The following NETO1 variants were observed in gnomAD, a reference collection of about 807,000 sequenced individuals.
NETO1 encodes the protein neuropilin and tolloid-like protein 1.
In NETO1, 26 loss-of-function variants were observed where a neutral mutation model predicts 61.3. That is an observed-to-expected ratio of 0.42 (90% confidence interval 0.31 to 0.59). The LOEUF is 0.59. NETO1 is among the 20% of genes least tolerant of loss of function. The pLI, the probability that NETO1 is intolerant of heterozygous loss-of-function variation, is 0.12. For synonymous variants in NETO1, 225 were observed against 225.8 expected (o/e 1.00, Z 0.03); for missense variants, 531 against 662.8 (o/e 0.80, Z 2.18).
At position 72,750,538 on chromosome 18, in the gene NETO1, G is replaced by C; in HGVS notation, c.1065C>G (p.Ile355Met). 6.2e-7 allele frequency: 1 copy of C among 1,613,770 alleles called. No individual in the cohort carries two copies. The highest frequency in any genetic ancestry group is 8.5e-7 in the Non-Finnish European group (1 of 1,179,942). Residue 355 changes from isoleucine (I) to methionine (M), a missense_variant, in exon 9 of 11, where the codon ATC (isoleucine) becomes ATG (methionine). Transcript: ENST00000327305. ...VIGVTSCIVI[I>M]LIIISVIVQI... ...GTACGATGACAGAGATGATAATGAG[G>C]ATGATCACGATGCAGGAAGTCACGC... is the stretch of plus-strand genomic sequence containing the variant.
intron 4 of NETO1, among the ~76,000 whole-genome samples, chr18:72,822,829 T>C (rs1257045770): frequency 1.3e-5 from 2 of 152,088 alleles, no homozygotes; most frequent in Admixed American, 1.3e-4. Context: ...GCAATAGCAA[T>C]AAATTCTCTA....
At chr18:72,775,685 G>A (rs2071523535) in intron 7 of NETO1, among the ~76,000 whole-genome samples, 1 of 152,096 alleles carries the variant, frequency 6.6e-6, no homozygotes, top group Non-Finnish European at 1.5e-5. Context: ...ATCCTCTTTA[G>A]AGCATTCGAG....
Position 72,815,688 on chromosome 18 carries a change from T to C in NETO1, c.470-21284A>G, listed in dbSNP as rs917684369. Among the ~76,000 whole-genome samples, 3 of 152,240 alleles carry C rather than the reference T, an allele frequency of 2.0e-5. No individual in the cohort carries two copies. The East Asian group carries it at 5.8e-4, about 29-fold the overall frequency. ...GTGTATGTGGAACAATGAAAACTCC[T>C]GTCCGCTGCTGACACTAGTGGACAT... On this transcript the variant is annotated intron_variant, in intron 4 of 10. Coordinates refer to ENST00000327305, the MANE Select transcript of NETO1 (RefSeq NM_138966.5).
downstream of NETO1, among the ~76,000 whole-genome samples, chr18:72,743,040 A>G (rs1334343093): frequency 2.6e-5 from 4 of 152,280 alleles, no homozygotes; most frequent in Non-Finnish European, 2.9e-5. Flanking sequence ...CTCCCATTCA[A>G]TTTAGCAAAC....
At chr18:72,769,933 G>T (rs1311640071) in intron 7 of NETO1, among the ~76,000 whole-genome samples, 6 of 151,992 alleles carry the variant, frequency 3.9e-5, no homozygotes, top group African/African-American at 1.4e-4. Flanking sequence ...TAGTATTTCT[G>T]ATTCAGAGGT....
At chr18:72,863,838 T>G (rs2145687090) in intron 3 of NETO1, among the ~76,000 whole-genome samples, 1 of 152,178 alleles carries the variant, frequency 6.6e-6, no homozygotes, top group Middle Eastern at 3.4e-3. Context: ...TGCTTCCAGG[T>G]TTTAGGCTAT....
chr18:72,772,736 C>T (rs566065817), intron 7 of NETO1, among the ~76,000 whole-genome samples: 37 of 121,692 alleles, frequency 3.0e-4, no homozygotes, highest in African/African-American at 1.2e-3. Context: ...ATCATGTACA[C>T]ACACACATCT....
At position 72,747,996 on chromosome 18, in the gene NETO1, T is replaced by C. The variant is rs1168081549; in HGVS notation, c.*183A>G. On this transcript the variant is annotated 3_prime_UTR_variant, in exon 11 of 11. Transcript: ENST00000327305. ...GGTGGCCAGCAACCAAATTACGAAATGAACATATCAGTGTGCAGCGGGGAT... is the reference window on the plus strand; with the variant it reads ...GGTGGCCAGCAACCAAATTACGAAACGAACATATCAGTGTGCAGCGGGGAT... 9.1e-6 allele frequency: 3 copies of C among 328,278 alleles called. No homozygotes were observed. Among genetic ancestry groups the C allele is most frequent in the Non-Finnish European group, 1.3e-5 (3 of 229,216 alleles). The allele number at this position is 328,278 out of a possible 1,614,324, so 20.3% of individuals were successfully genotyped here. A position where few individuals can be genotyped will look rare whatever the true frequency, so the allele number is the denominator to read the frequency against.
chr18:72,786,546 C>T (rs537488029), intron 6 of NETO1, among the ~76,000 whole-genome samples: 59 of 152,202 alleles, frequency 3.9e-4, no homozygotes, highest in African/African-American at 1.2e-3. Flanking sequence ...TTTAAATTAC[C>T]TGCCATTGCT....
chr18:72,836,224 C>G (rs1286923009), intron 4 of NETO1, among the ~76,000 whole-genome samples: 1 of 152,108 alleles, frequency 6.6e-6, no homozygotes, highest in Non-Finnish European at 1.5e-5. Context: ...GCCCAGGGTG[C>G]TCCCCCTTTC....
intron 4 of NETO1, among the ~76,000 whole-genome samples, chr18:72,826,632 T>C (rs2073382619): frequency 6.6e-6 from 1 of 152,192 alleles, no homozygotes; most frequent in Non-Finnish European, 1.5e-5. Context: ...CTATGGACTG[T>C]ATTTCTGTTT....
intron 1 of NETO1, chr18:72,867,061 T>G: frequency 2.1e-6 from 1 of 467,074 alleles, no homozygotes; most frequent in Non-Finnish European, 3.7e-6. Context: ...GGTTTTGGGA[T>G]CCGGCGACGG....
intron 1 of NETO1, among the ~76,000 whole-genome samples, chr18:72,866,542 A>C (rs1264975834): frequency 6.6e-6 from 1 of 152,140 alleles, no homozygotes; most frequent in East Asian, 1.9e-4. Flanking sequence ...TGTTTTGATG[A>C]AATCACATTA....
At chr18:72,832,394 A>T (rs960434570) in intron 4 of NETO1, among the ~76,000 whole-genome samples, 1 of 152,192 alleles carries the variant, frequency 6.6e-6, no homozygotes, top group East Asian at 1.9e-4. Flanking sequence ...ATAAAGATCA[A>T]GTTTTTTTCT....
At position 72,851,415 on chromosome 18, in the gene NETO1, A is replaced by AAAAAAAAAAG. The variant is rs71707587; in HGVS notation, c.469+7410_469+7411insCTTTTTTTTT. Among the ~76,000 whole-genome samples the AAAAAAAAAAG allele has an allele frequency of 1.5e-5, 2 of 133,722 alleles. 1 individual carries two copies. The highest frequency in any genetic ancestry group is 7.5e-5 in the African/African-American group (2 of 26,566). The allele number at this position is 133,722 out of a possible 152,430, so 87.7% of individuals were successfully genotyped here. ...AACAAGAGCGAAACTCCCTCAAAAC[A>AAAAAAAAAAG]AAAAAAGAAAAAAGAAAGAAAGAAA... is the stretch of plus-strand genomic sequence containing the variant. On this transcript the variant is annotated intron_variant, in intron 4 of 10. Coordinates refer to ENST00000327305, the MANE Select transcript of NETO1 (RefSeq NM_138966.5).
At chr18:72,842,191 A>G (rs2073955640) in intron 4 of NETO1, among the ~76,000 whole-genome samples, 1 of 152,184 alleles carries the variant, frequency 6.6e-6, no homozygotes, top group African/African-American at 2.4e-5. Flanking sequence ...AGAAGGCTGA[A>G]GTCAATTATT....
intron 4 of NETO1, among the ~76,000 whole-genome samples, chr18:72,841,985 G>A (rs767715967): frequency 2.0e-5 from 3 of 151,960 alleles, no homozygotes; most frequent in Non-Finnish European, 4.4e-5. Flanking sequence ...TTTATGAAAA[G>A]GTAAAGCTGA....
chr18:72,760,332 T>C (rs922800401), intron 7 of NETO1, among the ~76,000 whole-genome samples: 6 of 152,198 alleles, frequency 3.9e-5, no homozygotes, highest in African/African-American at 1.4e-4. Flanking sequence ...CACCAATACA[T>C]ATGCATTTGT....
chr18:72,834,378 A>C (rs938040043), intron 4 of NETO1: 88 of 934,976 alleles, frequency 9.4e-5, no homozygotes, highest in Non-Finnish European at 1.1e-4. Flanking sequence ...AAGGTTTAGA[A>C]ACCAGATAAT....
Sources: allele counts gnomAD v4.1 joint callset (sites outside exome capture counted in the v4.1 genomes callset), GRCh38; gene constraint gnomAD v4.1.1; transcripts MANE v1.5; gene names NCBI Gene and HGNC (gene_info 2026-07-23, HGNC 2026-07-21).